MANEA: variants seen among roughly 807,000 people sequenced by gnomAD.
MANEA encodes the protein glycoprotein endo-alpha-1,2-mannosidase.
Under a neutral mutation model 36.8 loss-of-function variants are expected in MANEA, and 25 were observed. The ratio of observed to expected loss-of-function variants is 0.68; its 90% CI spans 0.50 to 0.95. The LOEUF (loss-of-function observed/expected upper bound fraction) is 0.95, where lower values mean the gene tolerates loss of function less well. Ranked by LOEUF, MANEA falls within the 40% of genes least tolerant of loss-of-function variation. MANEA has a pLI of 0.00. For missense variants in MANEA, 565 were observed against 558.8 expected (o/e 1.01, Z -0.11); for synonymous variants, 198 against 188.5 (o/e 1.05, Z -0.41).
intron 2 of MANEA, chr6:95,587,290 TTAAG>T (rs538221346): frequency 8.6e-4 from 284 of 328,706 alleles, no homozygotes; most frequent in African/African-American, 5.8e-3. Context: ...ATTTCCCACT[TTAAG>T]TTTATAGCTC....
chr6:95,600,160 C>G (rs949048008), intron 3 of MANEA, among the ~76,000 whole-genome samples: 1 of 152,010 alleles, frequency 6.6e-6, no homozygotes, highest in Admixed American at 6.6e-5. Context: ...GCAAAGAGCT[C>G]GACCACTAAT....
chr6:95,595,944 G>A (rs1475762501), intron 2 of MANEA, among the ~76,000 whole-genome samples: 2 of 152,084 alleles, frequency 1.3e-5, no homozygotes, highest in African/African-American at 4.8e-5. Context: ...AAAATTGGAA[G>A]CAACCAAGAT....
intron 3 of MANEA, among the ~76,000 whole-genome samples, chr6:95,598,505 A>G (rs370779883): frequency 2.6e-5 from 4 of 152,280 alleles, no homozygotes; most frequent in East Asian, 3.9e-4. Flanking sequence ...CTCCAGCTTC[A>G]CTAGAGTGAA....
intron 3 of MANEA, among the ~76,000 whole-genome samples, chr6:95,602,124 T>C (rs1769605559): frequency 6.6e-6 from 1 of 152,220 alleles, no homozygotes; most frequent in Non-Finnish European, 1.5e-5. Flanking sequence ...CCAGTATAAG[T>C]GACAGACTTA....
At chr6:95,605,382 G>A (rs887052502) in intron 4 of MANEA, among the ~76,000 whole-genome samples, 3 of 152,042 alleles carry the variant, frequency 2.0e-5, no homozygotes, top group Non-Finnish European at 4.4e-5. Flanking sequence ...AGATGCCATA[G>A]TCTTACAAAG....
At chr6:95,604,061 G>GGTGTGTGTGTGTGTGTGTGTGTGTGTGT (rs71012509) in intron 3 of MANEA, among the ~76,000 whole-genome samples, 10 of 138,386 alleles carry the variant, frequency 7.2e-5, no homozygotes, top group Middle Eastern at 3.8e-3. Flanking sequence ...TATGTATGTA[G>GGTGTGTGTGTGTGTGTGTGTGTGTGTGT]GTGTGTGTGT....
intron 2 of MANEA, among the ~76,000 whole-genome samples, chr6:95,592,436 T>C (rs1769401346): frequency 6.6e-6 from 1 of 152,234 alleles, no homozygotes; most frequent in South Asian, 2.1e-4. Context: ...TTGTTTCTTG[T>C]CAGTGAATTG....
chr6:95,599,213 C>G (rs1266225097), intron 3 of MANEA, among the ~76,000 whole-genome samples: 1 of 151,706 alleles, frequency 6.6e-6, no homozygotes, highest in Non-Finnish European at 1.5e-5. Flanking sequence ...CCTTAGTAAC[C>G]AAAGTTCTTT....
At chr6:95,580,586 G>A (rs561984473) in intron 1 of MANEA, among the ~76,000 whole-genome samples, 4 of 151,934 alleles carry the variant, frequency 2.6e-5, no homozygotes, top group South Asian at 2.1e-4. Context: ...TTAGCCAGGC[G>A]TGGTGGCAGG....
In MANEA at chr6:95,599,973, C is replaced by A. The variant is rs534893895; in HGVS notation, c.654+3127C>A. On this transcript the variant is annotated intron_variant, in intron 3 of 4. Transcript: ENST00000358812. The stretch of plus-strand genomic sequence containing the variant: ...TTGATTTATCTTCCACAAAACAAGC[C>A]CAAGAGCTGCTTTTCTGTCCAGGCC... 1.1e-4 allele frequency among the ~76,000 whole-genome samples: 16 copies of A among 152,196 alleles called. No individual in the cohort carries two copies. The Middle Eastern group carries it at 0.014, about 129-fold the overall frequency.
intron 3 of MANEA, among the ~76,000 whole-genome samples, chr6:95,604,035 T>A (rs1159605008): frequency 6.7e-6 from 1 of 149,258 alleles, no homozygotes; most frequent in Non-Finnish European, 1.5e-5. Context: ...ATATAATGTA[T>A]GTATGTGTGC....
intron 4 of MANEA, 61 bp downstream of exon 4, chr6:95,604,964 G>C: frequency 1.8e-6 from 1 of 560,178 alleles, no homozygotes. Context: ...ATTGTTTTAA[G>C]AATAGTACAT....
chr6:95,580,108 T>TA (rs1769151200), intron 1 of MANEA, among the ~76,000 whole-genome samples: 1 of 152,174 alleles, frequency 6.6e-6, no homozygotes, highest in Non-Finnish European at 1.5e-5. Flanking sequence ...AAATTGGATT[T>TA]TTAAAATTAT....
intron 2 of MANEA, among the ~76,000 whole-genome samples, chr6:95,590,497 C>T (rs538786057): frequency 6.6e-6 from 1 of 152,310 alleles, no homozygotes; most frequent in South Asian, 2.1e-4. Context: ...ACAATTCTTA[C>T]TTCTGCATCT....
intron 3 of MANEA, among the ~76,000 whole-genome samples, chr6:95,604,568 A>G (rs1582231441): frequency 6.6e-6 from 1 of 152,016 alleles, no homozygotes; most frequent in Non-Finnish European, 1.5e-5. Context: ...GGTTCTGTCT[A>G]TCTTTGATTA....
At chr6:95,579,967 A>G (rs1372563518) in intron 1 of MANEA, among the ~76,000 whole-genome samples, 4 of 152,210 alleles carry the variant, frequency 2.6e-5, no homozygotes. Context: ...TATTTTCTCT[A>G]TGGTGACTTA....
At chr6:95,589,936 G>C (rs765617037) in intron 2 of MANEA, 2 of 152,142 alleles carry the variant, frequency 1.3e-5, no homozygotes, top group African/African-American at 2.4e-5. Flanking sequence ...ATAAATAGAA[G>C]AAGAGGGAAA....
intron 2 of MANEA, 59 bp downstream of exon 2, chr6:95,587,042 T>A: frequency 9.9e-7 from 1 of 1,012,000 alleles, no homozygotes; most frequent in Non-Finnish European, 1.5e-6. Flanking sequence ...TATAAATGAT[T>A]TTTTGTGTAA....
chr6:95,586,871 C>T lies in MANEA; in HGVS notation c.432C>T (p.His144=). Residue 144 remains histidine, a synonymous_variant, in exon 2 of 5, where the codon CAC becomes CAT. Transcript: ENST00000358812. The stretch of plus-strand genomic sequence containing the variant: ...CCAAGAATTATCCACAAGGGAGACA[C>T]AACCCTCCAGATGACATTGGCTCCA... ...RIAKNYPQGR[H]NPPDDIGSSF... The T allele has an allele frequency of 6.2e-7, 1 of 1,613,468 alleles. No individual in the cohort carries two copies. The highest frequency in any genetic ancestry group is 8.5e-7 in the Non-Finnish European group (1 of 1,179,452).
Sources: gnomAD v4.1 joint callset for allele counts (sites outside exome capture counted in the v4.1 genomes callset) on GRCh38, gnomAD v4.1.1 for gene constraint, MANE v1.5 for transcripts, NCBI Gene and HGNC (gene_info 2026-07-23, HGNC 2026-07-21) for gene names.